Variants in PKP2 observed in about 807,000 individuals in gnomAD.
The protein encoded by PKP2 is plakophilin 2.
In PKP2, 73 loss-of-function variants were observed where a neutral mutation model predicts 83.4. That is an observed-to-expected ratio of 0.88 (90% CI 0.72 to 1.06). The LOEUF is 1.06. PKP2 is among the 50% of genes least tolerant of loss of function. PKP2 has a pLI of 0.00. For missense variants in PKP2, 966 were observed against 1,065.4 expected (o/e 0.91, Z 1.30); for synonymous variants, 409 against 430.4 (o/e 0.95, Z 0.62).
At chr12:32,892,824 G>GA (rs60624263) in intron 1 of PKP2, among the ~76,000 whole-genome samples, 17,413 of 113,580 alleles carry the variant, frequency 0.15, 5,317 homozygotes, top group Non-Finnish European at 0.21. Flanking sequence ...GGGGCGGGGG[G>GA]GGGGGGAGAA....
rs397517029 is a variant in PKP2 at position 32,877,992 on chromosome 12, G to A, written c.888C>T (p.His296=). ...CAGCTTCCCTCAGCGTGCGGGTGCT[G>A]TGGAAGGAGCTCTGATGCCAGGAGG... ...SRSSWHQSSF[H]STRTLREAGP... Residue 296 remains histidine, a synonymous_variant, in exon 3 of 13, where the codon CAC becomes CAT. Transcript: ENST00000340811. 14 of 1,613,946 alleles carry A rather than the reference G, an allele frequency of 8.7e-6. No homozygotes were observed. The Admixed American group carries it at 2.0e-4, about 23-fold the overall frequency.
chr12:32,808,060 A>G (rs1350210074), intron 9 of PKP2, among the ~76,000 whole-genome samples: 2 of 152,096 alleles, frequency 1.3e-5, no homozygotes, highest in Admixed American at 6.6e-5. Context: ...CTGAATTTGA[A>G]TGTTGGCCTG....
chr12:32,810,410 CT>C (rs547380410), intron 9 of PKP2, among the ~76,000 whole-genome samples: 1 of 151,996 alleles, frequency 6.6e-6, no homozygotes, highest in South Asian at 2.1e-4. Flanking sequence ...CATCTGGTGA[CT>C]TCATTACCAG....
intron 5 of PKP2, among the ~76,000 whole-genome samples, chr12:32,848,188 G>A (rs1014072967): frequency 6.6e-6 from 1 of 152,164 alleles, no homozygotes; most frequent in African/African-American, 2.4e-5. Context: ...TTTGAGACGC[G>A]GAGGCAGGCG....
At chr12:32,864,135 G>A (rs1234289354) in intron 4 of PKP2, among the ~76,000 whole-genome samples, 2 of 151,976 alleles carry the variant, frequency 1.3e-5, no homozygotes, top group Non-Finnish European at 2.9e-5. Context: ...AGGAGTAGAA[G>A]GGAAGTTCTT....
chr12:32,821,102 C>CT (rs1330345906), intron 9 of PKP2: 2 of 462,668 alleles, frequency 4.3e-6, no homozygotes, highest in African/African-American at 2.0e-5. Context: ...AAAATTTCCT[C>CT]TTTTTTGCTT....
In PKP2 at chr12:32,796,167, G is replaced by T. The variant is rs139734328; in HGVS notation, c.2299C>A (p.Arg767Ser). The change falls in exon 11 of 13, where the codon CGC becomes AGC. Residue 767 changes from arginine (R) to serine (S), a missense_variant. Arg to Ser is a moderately radical substitution (Grantham distance 110). Transcript: ENST00000340811. ...ATGCCCCCGGTGTTTAGAAGGTCGC[G>T]TGCATTCTGGTAACTGTTTTGGATT... is the stretch of plus-strand genomic sequence containing the variant. ...NIIQNSYQNARDLLNTGGIQK... is the reference protein window; with the variant it reads ...NIIQNSYQNASDLLNTGGIQK... 1,380 of 1,614,042 alleles carry T rather than the reference G, an allele frequency of 8.5e-4. 8 individuals carry two copies. Among genetic ancestry groups the T allele is most frequent in the Middle Eastern group, 7.3e-3 (44 of 6,062 alleles).
intron 4 of PKP2, among the ~76,000 whole-genome samples, chr12:32,867,093 C>T (rs1234924818): frequency 1.3e-5 from 2 of 152,088 alleles, no homozygotes; most frequent in Non-Finnish European, 2.9e-5. Context: ...TTTGAGAGGC[C>T]GAGGAAGGAG....
At chr12:32,890,500 AG>A (rs1957067807) in intron 1 of PKP2, among the ~76,000 whole-genome samples, 1 of 152,246 alleles carries the variant, frequency 6.6e-6, no homozygotes, top group East Asian at 1.9e-4. Context: ...TTATTTTAAT[AG>A]TAATGGCAGG....
At chr12:32,827,660 T>C (rs888159601) in intron 6 of PKP2, among the ~76,000 whole-genome samples, 1 of 152,210 alleles carries the variant, frequency 6.6e-6, no homozygotes, top group Non-Finnish European at 1.5e-5. Context: ...CATTACCCAA[T>C]GGTGGCTCAA....
At chr12:32,825,543 T>C (rs1003503142) in intron 6 of PKP2, among the ~76,000 whole-genome samples, 3 of 152,214 alleles carry the variant, frequency 2.0e-5, no homozygotes, top group Non-Finnish European at 4.4e-5. Flanking sequence ...AATGTGTTAG[T>C]GTCATTCTGA....
chr12:32,821,709 A>T, intron 8 of PKP2, 180 bp from the exon 9 acceptor site: 2 of 606,202 alleles, frequency 3.3e-6, no homozygotes, highest in Non-Finnish European at 2.9e-6. Context: ...CTTTTAGCCC[A>T]TAATGATTAT....
At chr12:32,824,678 C>T (rs1256426470) in intron 6 of PKP2, among the ~76,000 whole-genome samples, 2 of 152,138 alleles carry the variant, frequency 1.3e-5, no homozygotes, top group East Asian at 3.8e-4. Context: ...AAATCAGATG[C>T]TCTAAAATGC....
chr12:32,844,963 T>A (rs570278502), intron 5 of PKP2, among the ~76,000 whole-genome samples: 1 of 152,206 alleles, frequency 6.6e-6, no homozygotes, highest in Non-Finnish European at 1.5e-5. Flanking sequence ...ATATTTACGG[T>A]TTGGGTTTTC....
intron 1 of PKP2, among the ~76,000 whole-genome samples, chr12:32,887,208 T>C (rs917473758): frequency 2.0e-5 from 3 of 152,116 alleles, no homozygotes; most frequent in Non-Finnish European, 2.9e-5. Context: ...TCTTAAAACG[T>C]TGAATATGCC....
At chr12:32,887,197 T>C (rs1044090216) in intron 1 of PKP2, among the ~76,000 whole-genome samples, 1 of 152,046 alleles carries the variant, frequency 6.6e-6, no homozygotes, top group Admixed American at 6.6e-5. Flanking sequence ...TGGCTATGAG[T>C]TCTTAAAACG....
chr12:32,826,165 G>T (rs1956438625), intron 6 of PKP2, among the ~76,000 whole-genome samples: 1 of 151,978 alleles, frequency 6.6e-6, no homozygotes, highest in Admixed American at 6.6e-5. Context: ...AATTAGCCAG[G>T]CATGGTGGTG....
intron 6 of PKP2, among the ~76,000 whole-genome samples, chr12:32,831,235 C>A (rs1027226252): frequency 2.6e-5 from 4 of 152,082 alleles, no homozygotes; most frequent in Admixed American, 2.6e-4. Context: ...TCAATCCATA[C>A]CTCCAAGATA....
chr12:32,889,958 C>A (rs1046566216), intron 1 of PKP2, among the ~76,000 whole-genome samples: 3 of 151,110 alleles, frequency 2.0e-5, no homozygotes, highest in Admixed American at 1.3e-4. Flanking sequence ...ACCTGTAATC[C>A]CACTTACTTG....
Sources: gnomAD v4.1 joint callset for allele counts (sites outside exome capture counted in the v4.1 genomes callset) on GRCh38, gnomAD v4.1.1 for gene constraint, MANE v1.5 for transcripts, NCBI Gene and HGNC (gene_info 2026-07-23, HGNC 2026-07-21) for gene names.